UVRAG: variants seen among roughly 807,000 people sequenced by gnomAD.
UVRAG encodes the protein UV radiation resistance associated.
UVRAG carries 19 observed loss-of-function variants against 78.0 expected under a neutral mutation model. That is an observed-to-expected ratio of 0.24 (90% confidence interval 0.17 to 0.36). The LOEUF (loss-of-function observed/expected upper bound fraction) is 0.36, where lower values mean the gene tolerates loss of function less well. Among genes scored for constraint, UVRAG ranks in the 10% least tolerant of loss-of-function variants. The pLI is 1.00. For synonymous variants in UVRAG, 323 were observed against 324.6 expected (o/e 1.00, Z 0.05); for missense variants, 740 against 853.8 (o/e 0.87, Z 1.66).
chr11:75,842,552 C>T (rs1372356337), intron 1 of UVRAG, among the ~76,000 whole-genome samples: 2 of 151,782 alleles, frequency 1.3e-5, no homozygotes, highest in Non-Finnish European at 2.9e-5. Context: ...AACGATTCTC[C>T]TGCCTCAGCC....
chr11:76,003,228 T>C (rs926339607), intron 8 of UVRAG, among the ~76,000 whole-genome samples: 1 of 148,332 alleles, frequency 6.7e-6, no homozygotes, highest in African/African-American at 2.5e-5. Flanking sequence ...ACACATTTCC[T>C]ATACACTATG....
intron 1 of UVRAG, among the ~76,000 whole-genome samples, chr11:75,845,286 C>T (rs1026111472): frequency 6.6e-6 from 1 of 152,206 alleles, no homozygotes; most frequent in Non-Finnish European, 1.5e-5. Flanking sequence ...GAGCACAACT[C>T]AGCCACCTGA....
At chr11:75,949,110 C>T (rs945695909) in intron 6 of UVRAG, among the ~76,000 whole-genome samples, 52 of 152,044 alleles carry the variant, frequency 3.4e-4, no homozygotes, top group African/African-American at 9.4e-4. Context: ...GTGAGGTGAA[C>T]GGATTTGAAA....
chr11:76,106,497 C>T (rs1336541413), intron 13 of UVRAG, among the ~76,000 whole-genome samples: 1 of 152,110 alleles, frequency 6.6e-6, no homozygotes, highest in Admixed American at 6.5e-5. Flanking sequence ...TCCCAAGTAG[C>T]TGGGATTACA....
intron 5 of UVRAG, chr11:75,892,408 C>T (rs1046081462): frequency 2.0e-6 from 2 of 984,548 alleles, no homozygotes; most frequent in African/African-American, 3.5e-5. Flanking sequence ...GTGTTTCCCT[C>T]TAACGGGAAT....
chr11:75,892,783 G>A (rs1487217469), intron 5 of UVRAG, among the ~76,000 whole-genome samples: 2 of 152,108 alleles, frequency 1.3e-5, no homozygotes, highest in Non-Finnish European at 2.9e-5. Flanking sequence ...TAACAAAGCC[G>A]CAAGCAGAGT....
chr11:75,939,795 A>G (rs556943133), intron 6 of UVRAG, among the ~76,000 whole-genome samples: 5 of 152,188 alleles, frequency 3.3e-5, no homozygotes, highest in Admixed American at 6.5e-5. Flanking sequence ...GACTTCAATA[A>G]TTATAATTAC....
chr11:76,056,197 A>C (rs757047761), intron 12 of UVRAG, among the ~76,000 whole-genome samples: 3 of 152,012 alleles, frequency 2.0e-5, no homozygotes, highest in Non-Finnish European at 4.4e-5. Context: ...TGCAGTATGA[A>C]CTTCTTTACA....
At chr11:75,966,259 T>G (rs1353387681) in intron 7 of UVRAG, among the ~76,000 whole-genome samples, 1 of 152,138 alleles carries the variant, frequency 6.6e-6, no homozygotes, top group African/African-American at 2.4e-5. Context: ...TTCTTATAAA[T>G]TTTTTTCCTT....
intron 12 of UVRAG, among the ~76,000 whole-genome samples, chr11:76,052,953 A>G (rs983101928): frequency 6.7e-6 from 1 of 149,462 alleles, no homozygotes; most frequent in African/African-American, 2.4e-5. Context: ...GAGTATCTAT[A>G]TACTATAGAG....
chr11:75,838,516 T>C (rs1026550594), intron 1 of UVRAG, among the ~76,000 whole-genome samples: 2 of 151,928 alleles, frequency 1.3e-5, no homozygotes, highest in African/African-American at 4.8e-5. Context: ...TTCTAAGTTT[T>C]TCATAGAGAC....
intron 2 of UVRAG, 124 bp from the exon 3 acceptor site, chr11:75,861,622 A>C (rs1946424137): frequency 3.1e-6 from 2 of 647,308 alleles, no homozygotes; most frequent in Admixed American, 6.1e-5. Flanking sequence ...AGAGAGAATA[A>C]ATCCCTTGAA....
intron 6 of UVRAG, among the ~76,000 whole-genome samples, chr11:75,943,683 C>A (rs1948529775): frequency 6.6e-6 from 1 of 152,138 alleles, no homozygotes; most frequent in Non-Finnish European, 1.5e-5. Context: ...ACTTGATGCA[C>A]TAATTATCAC....
At position 75,868,566 on chromosome 11, in the gene UVRAG, T is replaced by A. The variant is rs542126362; in HGVS notation, c.270+6786T>A. Among the ~76,000 whole-genome samples the A allele has an allele frequency of 4.6e-5, 7 of 152,328 alleles. No homozygotes were observed. In the South Asian group the frequency reaches 1.2e-3, roughly 27 times the overall value. ...CATGATATATTTAGCATAGAACAAT[T>A]CATGGTGAATGTATAGTTCAGTGTT... On this transcript the variant is annotated intron_variant, in intron 3 of 14. Transcript: ENST00000356136.
chr11:75,932,908 T>A (rs963502763), intron 6 of UVRAG, among the ~76,000 whole-genome samples: 9 of 152,158 alleles, frequency 5.9e-5, no homozygotes, highest in African/African-American at 1.9e-4. Context: ...AGAATTAATA[T>A]TGTTGAAATG....
chr11:75,930,933 T>TTCTC (rs1035028850), intron 6 of UVRAG: 1 of 130,816 alleles, frequency 7.6e-6, no homozygotes, highest in African/African-American at 3.2e-5. Flanking sequence ...GGGATTTTCT[T>TTCTC]TCTTTCTTTC....
intron 12 of UVRAG, among the ~76,000 whole-genome samples, chr11:76,024,425 G>C (rs1450812344): frequency 6.6e-6 from 1 of 152,008 alleles, no homozygotes; most frequent in African/African-American, 2.4e-5. Context: ...ATTGCATTTT[G>C]GTGAATGAAT....
At chr11:76,087,703 G>A (rs1210970231) in intron 13 of UVRAG, among the ~76,000 whole-genome samples, 3 of 152,092 alleles carry the variant, frequency 2.0e-5, no homozygotes, top group Admixed American at 6.5e-5. Context: ...GATCCTTATA[G>A]CATTCCTTAA....
chr11:75,900,591 T>C (rs1340712094), intron 5 of UVRAG, among the ~76,000 whole-genome samples: 1 of 152,214 alleles, frequency 6.6e-6, no homozygotes, highest in African/African-American at 2.4e-5. Context: ...TGAAGTCTAC[T>C]AGGATCACGT....
Sources: allele counts gnomAD v4.1 joint callset (sites outside exome capture counted in the v4.1 genomes callset), GRCh38; gene constraint gnomAD v4.1.1; transcripts MANE v1.5; gene names NCBI Gene and HGNC (gene_info 2026-07-23, HGNC 2026-07-21).